The following CNBD1 variants were observed in gnomAD, a reference collection of about 807,000 sequenced individuals.
CNBD1 encodes the protein cyclic nucleotide binding domain containing 1, also known as cyclic nucleotide-binding domain-containing protein 1.
CNBD1 carries 71 observed loss-of-function variants against 54.4 expected under a neutral mutation model. That is an observed-to-expected ratio of 1.30 (90% confidence interval 1.08 to 1.59). The LOEUF is 1.59. Among genes scored for constraint, CNBD1 ranks in the 40% most tolerant of loss-of-function variants. CNBD1 has a pLI of 0.00. For missense variants in CNBD1, 659 were observed against 518.0 expected (o/e 1.27, Z -2.64); for synonymous variants, 182 against 170.7 (o/e 1.07, Z -0.51).
rs139770793 is a variant in CNBD1 at position 87,052,125 on chromosome 8, A to G, written c.431+112371A>G. On this transcript the variant is annotated intron_variant, in intron 4 of 10. Coordinates refer to ENST00000518476, the MANE Select transcript of CNBD1 (RefSeq NM_173538.3). The stretch of plus-strand genomic sequence containing the variant: ...GGGATCCTGGAGTTTATAGGCCTGT[A>G]AAGCAAGCACTAGTGCCTGTGTCTC... Among the ~76,000 whole-genome samples, 1,472 of 152,270 alleles carry G rather than the reference A, an allele frequency of 9.7e-3. 10 individuals carry two copies. Among genetic ancestry groups the G allele is most frequent in the Non-Finnish European group, 0.016 (1,107 of 68,012 alleles).
At chr8:86,962,750 C>T (rs568967440) in intron 4 of CNBD1, among the ~76,000 whole-genome samples, 68 of 151,978 alleles carry the variant, frequency 4.5e-4, no homozygotes, top group African/African-American at 1.6e-3. Context: ...GGTGCCACGA[C>T]ACTCCAGCCT....
At chr8:87,152,175 G>A (rs551817070) in intron 4 of CNBD1, among the ~76,000 whole-genome samples, 1 of 152,108 alleles carries the variant, frequency 6.6e-6, no homozygotes, top group African/African-American at 2.4e-5. Context: ...CACCCAGAGT[G>A]GAATGATTTG....
intron 8 of CNBD1, among the ~76,000 whole-genome samples, chr8:87,334,432 T>C (rs186313362): frequency 4.4e-4 from 67 of 152,258 alleles, no homozygotes; most frequent in African/African-American, 1.6e-3. Flanking sequence ...TTTGGATTTC[T>C]TTGCTCTTGC....
At chr8:87,238,880 C>T (rs1249340977) in intron 6 of CNBD1, among the ~76,000 whole-genome samples, 3 of 152,078 alleles carry the variant, frequency 2.0e-5, no homozygotes, top group East Asian at 1.9e-4. Context: ...CTTTAGTGCA[C>T]TGAGAGCTCC....
At chr8:87,085,607 G>A (rs1411595626) in intron 4 of CNBD1, among the ~76,000 whole-genome samples, 1 of 152,120 alleles carries the variant, frequency 6.6e-6, no homozygotes, top group Non-Finnish European at 1.5e-5. Flanking sequence ...TTTACTTAGA[G>A]TGGCAGCTGA....
intron 8 of CNBD1, among the ~76,000 whole-genome samples, chr8:87,341,868 A>G (rs1181860396): frequency 6.6e-6 from 1 of 152,190 alleles, no homozygotes; most frequent in East Asian, 1.9e-4. Flanking sequence ...TAAATTACCC[A>G]GTCTTAGATA....
At chr8:86,890,547 G>A (rs866202418) in intron 2 of CNBD1, among the ~76,000 whole-genome samples, 7 of 152,080 alleles carry the variant, frequency 4.6e-5, no homozygotes, top group Non-Finnish European at 7.4e-5. Flanking sequence ...CCATAAACAT[G>A]GGAATGCAGA....
At chr8:87,244,081 C>T (rs1219833664) in intron 6 of CNBD1, among the ~76,000 whole-genome samples, 1 of 152,032 alleles carries the variant, frequency 6.6e-6, no homozygotes, top group Non-Finnish European at 1.5e-5. Flanking sequence ...ATGATATCTG[C>T]CCAGGGTGTT....
intron 4 of CNBD1, among the ~76,000 whole-genome samples, chr8:86,952,385 C>T (rs879495808): frequency 3.3e-5 from 5 of 151,948 alleles, no homozygotes; most frequent in African/African-American, 7.3e-5. Flanking sequence ...TTCTACTGTG[C>T]TTTAATTATG....
At chr8:87,352,582 T>G (rs575951136) in intron 9 of CNBD1, among the ~76,000 whole-genome samples, 58 of 152,218 alleles carry the variant, frequency 3.8e-4, no homozygotes, top group African/African-American at 1.4e-3. Context: ...ACAGTATATT[T>G]ATACTATGAA....
At chr8:87,072,240 G>A (rs1037925781) in intron 4 of CNBD1, among the ~76,000 whole-genome samples, 23 of 152,074 alleles carry the variant, frequency 1.5e-4, no homozygotes, top group African/African-American at 4.8e-4. Context: ...ACAGCATACT[G>A]ATGTGTCTTG....
At chr8:87,134,973 T>G (rs1396118089) in intron 4 of CNBD1, among the ~76,000 whole-genome samples, 1 of 152,152 alleles carries the variant, frequency 6.6e-6, no homozygotes, top group African/African-American at 2.4e-5. Context: ...CAGGAAATTT[T>G]GAGGCTTATA....
chr8:87,355,594 T>C (rs139538277), intron 10 of CNBD1, among the ~76,000 whole-genome samples: 1 of 152,232 alleles, frequency 6.6e-6, no homozygotes, highest in African/African-American at 2.4e-5. Flanking sequence ...AGTTGTAACA[T>C]AATAGGATAT....
intron 10 of CNBD1, among the ~76,000 whole-genome samples, chr8:87,379,473 A>G (rs1468628427): frequency 1.3e-5 from 2 of 151,930 alleles, no homozygotes; most frequent in African/African-American, 2.4e-5. Flanking sequence ...TTGACCACAT[A>G]CTGGGAAGTA....
At chr8:87,383,782 G>A (rs535717966), downstream of CNBD1, among the ~76,000 whole-genome samples, 4 of 152,172 alleles carry the variant, frequency 2.6e-5, no homozygotes, top group African/African-American at 9.6e-5. Context: ...TTTGTTTTAA[G>A]GAAACACAAC....
intron 6 of CNBD1, among the ~76,000 whole-genome samples, chr8:87,256,126 G>T (rs904869271): frequency 1.6e-4 from 23 of 144,466 alleles, no homozygotes; most frequent in Non-Finnish European, 1.5e-5. Flanking sequence ...GGGTTCAAGC[G>T]ATTCTCCTGC....
intron 4 of CNBD1, among the ~76,000 whole-genome samples, chr8:87,158,389 A>G (rs1181046123): frequency 6.6e-6 from 1 of 152,214 alleles, no homozygotes; most frequent in Non-Finnish European, 1.5e-5. Flanking sequence ...GAAATTGATT[A>G]TATAAAAATT....
At chr8:86,898,961 G>A (rs921334091) in intron 2 of CNBD1, among the ~76,000 whole-genome samples, 1 of 152,086 alleles carries the variant, frequency 6.6e-6, no homozygotes, top group African/African-American at 2.4e-5. Flanking sequence ...AATAAAAAAT[G>A]TGGTTTATAT....
chr8:87,327,974 T>C (rs1476141180), intron 8 of CNBD1, among the ~76,000 whole-genome samples: 1 of 152,194 alleles, frequency 6.6e-6, no homozygotes, highest in Non-Finnish European at 1.5e-5. Flanking sequence ...AGTTTTTCTT[T>C]TTTTAAAAGT....
Sources: gnomAD v4.1 joint callset for allele counts (sites outside exome capture counted in the v4.1 genomes callset) on GRCh38, gnomAD v4.1.1 for gene constraint, MANE v1.5 for transcripts, NCBI Gene and HGNC (gene_info 2026-07-23, HGNC 2026-07-21) for gene names.